The following VEZT variants were observed in gnomAD, a reference collection of about 807,000 sequenced individuals.
The protein encoded by VEZT is vezatin.
A neutral mutation model predicts 79.9 loss-of-function variants in VEZT; 39 were observed. The observed-to-expected ratio is 0.49, with a 90% confidence interval of 0.38 to 0.64. VEZT has a LOEUF of 0.64. VEZT is among the 30% of genes least tolerant of loss of function. VEZT has a pLI of 0.00. For synonymous variants in VEZT, 325 were observed against 327.6 expected, an observed-to-expected ratio of 0.99 and a Z score of 0.09; for missense variants, 837 against 893.1, an observed-to-expected ratio of 0.94 and a Z score of 0.80.
intron 1 of VEZT, among the ~76,000 whole-genome samples, chr12:95,222,849 G>A (rs1318924381): frequency 1.3e-5 from 2 of 152,102 alleles, no homozygotes; most frequent in Admixed American, 6.5e-5. Flanking sequence ...TTCTCATCTC[G>A]TTCTGTGCTC....
intron 7 of VEZT, among the ~76,000 whole-genome samples, chr12:95,277,976 A>G (rs1182256706): frequency 6.6e-6 from 1 of 152,186 alleles, no homozygotes; most frequent in Non-Finnish European, 1.5e-5. Flanking sequence ...TTAAATCCTG[A>G]ATTGTACTCT....
chr12:95,285,484 C>G (rs1008500036), intron 8 of VEZT, among the ~76,000 whole-genome samples: 3 of 151,940 alleles, frequency 2.0e-5, no homozygotes, highest in Non-Finnish European at 4.4e-5. Flanking sequence ...ACCTTCCTCA[C>G]CTTTTGTATA....
chr12:95,237,551 G>A (rs1053850595), intron 1 of VEZT, among the ~76,000 whole-genome samples: 1 of 152,166 alleles, frequency 6.6e-6, no homozygotes, highest in African/African-American at 2.4e-5. Flanking sequence ...TGGGCAGTGG[G>A]AGAAGATCAA....
At chr12:95,299,525 T>C (rs1347808718) in intron 11 of VEZT, 2 of 152,254 alleles carry the variant, frequency 1.3e-5, no homozygotes, top group South Asian at 2.1e-4. Flanking sequence ...GTAGAAGTTA[T>C]GGCTTTTCTT....
intron 8 of VEZT, among the ~76,000 whole-genome samples, chr12:95,283,032 T>C (rs1194133914): frequency 6.6e-6 from 1 of 152,186 alleles, no homozygotes; most frequent in Non-Finnish European, 1.5e-5. Flanking sequence ...ACTGGAACAG[T>C]ATATATGTTA....
At chr12:95,258,531 T>G (rs1304748462) in intron 3 of VEZT, among the ~76,000 whole-genome samples, 1 of 152,220 alleles carries the variant, frequency 6.6e-6, no homozygotes, top group African/African-American at 2.4e-5. Flanking sequence ...TGAGATTGCT[T>G]GACTTTTTCC....
intron 3 of VEZT, among the ~76,000 whole-genome samples, chr12:95,257,504 A>G (rs1288627697): frequency 1.3e-5 from 2 of 152,214 alleles, no homozygotes; most frequent in African/African-American, 4.8e-5. Context: ...CTCTTCCTCC[A>G]TTGACAGGTA....
rs771298280 is a variant in VEZT, at chr12:95,287,724, A to G, written c.1389A>G (p.Leu463=). 3.8e-6 allele frequency: 6 copies of G among 1,598,222 alleles called. No homozygotes were observed. The highest frequency in any genetic ancestry group is 5.1e-6 in the Non-Finnish European group (6 of 1,171,380). Residue 463 remains leucine, a synonymous_variant, in exon 9 of 12, where the codon CTA becomes CTG. Transcript: ENST00000436874. ...TTTGTACTAAAGAAACACAAGAACT[A>G]GTGTCAGAGGCTTATCCCATCCTAG... The part of the protein sequence containing the change: ...KLVCTKETQE[L]VSEAYPILEQ...
chr12:95,301,287 G>C lies in VEZT; in HGVS notation c.*614G>C, dbSNP rs1354152125. 1 of 152,130 alleles carries C rather than the reference G, an allele frequency of 6.6e-6. No homozygotes were observed. Among genetic ancestry groups the C allele is most frequent in the Non-Finnish European group, 1.5e-5 (1 of 68,016 alleles). 9.4% of individuals were successfully genotyped at this position (152,130 alleles called of 1,614,324 possible). On this transcript the variant is annotated 3_prime_UTR_variant, in exon 12 of 12. Coordinates refer to ENST00000436874, the MANE Select transcript of VEZT (RefSeq NM_017599.4). ...TAGTAGTTAATTTTAAGATGTCCTA[G>C]TGATCTTTAAAAGAAAAATATTGTA... is the stretch of plus-strand genomic sequence containing the variant.
intron 7 of VEZT, among the ~76,000 whole-genome samples, chr12:95,281,753 C>G (rs1414478328): frequency 1.3e-5 from 2 of 152,146 alleles, no homozygotes; most frequent in Non-Finnish European, 2.9e-5. Flanking sequence ...ACCATGTTGG[C>G]CAGGCTGGTC....
At chr12:95,232,966 T>C (rs950549518) in intron 1 of VEZT, among the ~76,000 whole-genome samples, 3 of 152,008 alleles carry the variant, frequency 2.0e-5, no homozygotes, top group African/African-American at 7.2e-5. Flanking sequence ...CCACCATGTT[T>C]GACTAATTTT....
intron 2 of VEZT, 120 bp downstream of exon 2, chr12:95,252,191 C>A: frequency 1.9e-6 from 2 of 1,074,998 alleles, no homozygotes; most frequent in Non-Finnish European, 2.5e-6. Flanking sequence ...TTTATTTCAT[C>A]AATAGTACAA....
Position 95,300,226 on chromosome 12 carries a change from A to G in VEZT, c.1893A>G (p.Ser631=). The G allele has an allele frequency of 6.4e-7, 1 of 1,564,704 alleles. No individual in the cohort carries two copies. Among genetic ancestry groups the G allele is most frequent in the Admixed American group, 1.9e-5 (1 of 52,086 alleles). ...AACCCATAAGTAATTCAGAACCATCAATGAATTCAGATATGGGAAAAGTCA... is the reference window on the plus strand; with the variant it reads ...AACCCATAAGTAATTCAGAACCATCGATGAATTCAGATATGGGAAAAGTCA... The part of the protein sequence containing the change: ...PVEPISNSEP[S]MNSDMGKVSK... The change falls in exon 12 of 12, where the codon TCA becomes TCG. Residue 631 remains serine (S), a synonymous_variant. Transcript: ENST00000436874.
In VEZT at chr12:95,300,410, C is replaced by A; in HGVS notation, c.2077C>A (p.Gln693Lys). Residue 693 changes from glutamine (Q) to lysine (K), a missense_variant, in exon 12 of 12, where the codon CAA becomes AAA. By Grantham distance (53) the Gln-to-Lys change is moderately conservative. Transcript: ENST00000436874. ...AGGAGCAGAAGAAAGAATGTGTTAC[C>A]AATGTGAGAGTGAAGATGAACCACA... The part of the protein sequence containing the change: ...PQGAEERMCY[Q>K]CESEDEPQAD... The A allele has an allele frequency of 6.2e-7, 1 of 1,613,896 alleles. No individual in the cohort carries two copies. Among genetic ancestry groups the A allele is most frequent in the Non-Finnish European group, 8.5e-7 (1 of 1,179,864 alleles).
rs1279037884 is a variant in VEZT, at chr12:95,282,001, A to AT, written c.997-304dup. Among the ~76,000 whole-genome samples, 3 of 151,722 alleles carry AT rather than the reference A, an allele frequency of 2.0e-5. No individual in the cohort carries two copies. The South Asian group carries it at 6.2e-4, about 31-fold the overall frequency. ...CTATCTTCTTTTCTCCTATGTGAAAATTTTTTTTAAATAATGAGTGAAGAT... is the reference window on the plus strand; with the variant it reads ...CTATCTTCTTTTCTCCTATGTGAAAATTTTTTTTTAAATAATGAGTGAAGAT... On this transcript the variant is annotated intron_variant, in intron 7 of 11. Coordinates refer to ENST00000436874, the MANE Select transcript of VEZT (RefSeq NM_017599.4).
At chr12:95,232,264 G>T (rs990874113) in intron 1 of VEZT, among the ~76,000 whole-genome samples, 1 of 152,126 alleles carries the variant, frequency 6.6e-6, no homozygotes, top group African/African-American at 2.4e-5. Context: ...TTTCCCTAGA[G>T]ATTTTATTTT....
intron 1 of VEZT, among the ~76,000 whole-genome samples, chr12:95,235,177 C>T (rs1448689634): frequency 1.3e-4 from 20 of 152,096 alleles, no homozygotes; most frequent in African/African-American, 1.9e-4. Context: ...GTTGGGTACA[C>T]CTCCCAGACG....
At chr12:95,258,161 T>C (rs2063763674) in intron 3 of VEZT, 2 of 436,516 alleles carry the variant, frequency 4.6e-6, no homozygotes, top group African/African-American at 4.1e-5. Flanking sequence ...AAGTTCTTTG[T>C]TCAGGGTTTC....
At chr12:95,262,062 A>C (rs948150670) in intron 3 of VEZT, among the ~76,000 whole-genome samples, 1 of 151,790 alleles carries the variant, frequency 6.6e-6, no homozygotes, top group Non-Finnish European at 1.5e-5. Flanking sequence ...CACTTCTCCA[A>C]CTCCTTTGTC....
Sources: allele counts gnomAD v4.1 joint callset (sites outside exome capture counted in the v4.1 genomes callset), GRCh38; gene constraint gnomAD v4.1.1; transcripts MANE v1.5; gene names NCBI Gene and HGNC (gene_info 2026-07-23, HGNC 2026-07-21).